Variants in IGDCC3 observed in about 807,000 individuals in gnomAD.
IGDCC3 encodes immunoglobulin superfamily DCC subclass member 3.
In IGDCC3, 47 loss-of-function variants were observed where a neutral mutation model predicts 72.0. The observed-to-expected ratio is 0.65, with a 90% CI of 0.52 to 0.83. The LOEUF is 0.83. Among genes scored for constraint, IGDCC3 ranks in the 40% least tolerant of loss-of-function variants. The probability of loss-of-function intolerance (pLI) is 0.00; values close to 1 mark genes in which losing one functional copy is unlikely to be tolerated. For missense variants in IGDCC3, 1,038 were observed against 1,091.3 expected, an observed-to-expected ratio of 0.95 and a Z score of 0.69; for synonymous variants, 477 against 472.8, an observed-to-expected ratio of 1.01 and a Z score of -0.11.
chr15:65,328,690 A>T lies in IGDCC3; in HGVS notation c.*219T>A, dbSNP rs2141028775. 2 of 430,288 alleles carry T rather than the reference A, an allele frequency of 4.6e-6. No homozygotes were observed. The highest frequency in any genetic ancestry group is 3.6e-5 in the East Asian group (1 of 27,960). The allele number at this position is 430,288 out of a possible 1,614,324, so 26.7% of individuals were successfully genotyped here. On this transcript the variant is annotated 3_prime_UTR_variant, in exon 14 of 14. Transcript: ENST00000327987. ...CAAGGGGGCGTCAGCCCAGGGAAGG[A>T]ACAGGCTCCTGCAGGAACTGCTCCA...
intron 2 of IGDCC3, among the ~76,000 whole-genome samples, chr15:65,369,915 C>A (rs1055819599): frequency 6.6e-6 from 1 of 152,192 alleles, no homozygotes; most frequent in Non-Finnish European, 1.5e-5. Flanking sequence ...CCCAGAGCCA[C>A]ACACCATGAG....
chr15:65,345,204 C>A (rs1300933934), intron 2 of IGDCC3, among the ~76,000 whole-genome samples: 1 of 152,180 alleles, frequency 6.6e-6, no homozygotes. Context: ...CAGGAGCAAA[C>A]TCCCTCCATC....
chr15:65,333,290 T>C lies in IGDCC3; in HGVS notation c.949A>G (p.Arg317Gly). The C allele has an allele frequency of 6.2e-7, 1 of 1,612,650 alleles. No homozygotes were observed. The highest frequency in any genetic ancestry group is 8.5e-7 in the Non-Finnish European group (1 of 1,179,492). ...CAANRPGTRV[R>G]RTAQGRLVVQ... ...ACCAGCCGGCCCTGTGCCGTTCTCC[T>C]CACCCGGGTGCCAGGTCTGTTGGCT... is the stretch of plus-strand genomic sequence containing the variant. The change falls in exon 6 of 14, where the codon AGG becomes GGG. Residue 317 changes from arginine to glycine, a missense_variant. By Grantham distance (125) the Arg-to-Gly change is moderately radical (BLOSUM62 -2). Coordinates refer to ENST00000327987, the MANE Select transcript of IGDCC3 (RefSeq NM_004884.4).
rs2091368630 is a variant in IGDCC3 at position 65,377,736 on chromosome 15, G to A, written c.53C>T (p.Pro18Leu). Residue 18 changes from proline (P) to leucine (L), a missense_variant, in exon 1 of 14, where the codon CCC (proline) becomes CTC (leucine). Physicochemically the swap from Pro to Leu is moderately conservative, Grantham distance 98. Coordinates refer to ENST00000327987, the MANE Select transcript of IGDCC3 (RefSeq NM_004884.4). This position sits in a 1 kb window ranked among gnomAD's most constrained non-coding sequence, Gnocchi z 4.9. ...SPRRPPAPLW[P>L]RLLLPLLLLL... ...CAACAGCAGCGGCAGCAGGAGCCGGGGCCAGAGCGGGGCGGGCGGGCGGCG... is the reference window on the plus strand; with the variant it reads ...CAACAGCAGCGGCAGCAGGAGCCGGAGCCAGAGCGGGGCGGGCGGGCGGCG... 4 of 1,344,274 alleles carry A rather than the reference G, an allele frequency of 3.0e-6. No homozygotes were observed. In the Admixed American group the frequency reaches 1.1e-4, roughly 37 times the overall value. The allele number at this position is 1,344,274 out of a possible 1,614,324, so 83.3% of individuals were successfully genotyped here.
chr15:65,352,828 T>G (rs1315019183), intron 2 of IGDCC3, among the ~76,000 whole-genome samples: 2 of 152,232 alleles, frequency 1.3e-5, no homozygotes, highest in Non-Finnish European at 2.9e-5. Context: ...AATGGGAAAC[T>G]GGACAGAGAA....
rs147792637 is a variant in IGDCC3, at chr15:65,365,793, G to A, written c.409+9304C>T. Among the ~76,000 whole-genome samples, 63 of 152,336 alleles carry A rather than the reference G, an allele frequency of 4.1e-4. No homozygotes were observed. The East Asian group carries it at 8.1e-3, about 20-fold the overall frequency. ...ACAAAACTGAAGAAAGAGGCAGGCC[G>A]GGCACAGTGGTTCACACCTGTAATC... On this transcript the variant is annotated intron_variant, in intron 2 of 13. Coordinates refer to ENST00000327987, the MANE Select transcript of IGDCC3 (RefSeq NM_004884.4).
Position 65,329,809 on chromosome 15 carries a change from G to A in IGDCC3, c.1914C>T (p.Thr638=). The change falls in exon 12 of 14, where the codon ACC becomes ACT. Residue 638 remains threonine (T), a synonymous_variant. Coordinates refer to ENST00000327987, the MANE Select transcript of IGDCC3 (RefSeq NM_004884.4). The surrounding 1 kb of genome is among the most constrained non-coding windows in gnomAD (Gnocchi z 4.1). ...TGTGGATGCCGATGACGATGCCTGT[G>A]GTGGACGTCTGGTTGGCGGCCTCCT... ...RKEEAANQTS[T]TGIVIGIHIG... 2 of 1,614,126 alleles carry A rather than the reference G, an allele frequency of 1.2e-6. No homozygotes were observed. Among genetic ancestry groups the A allele is most frequent in the Middle Eastern group, 3.3e-4 (2 of 6,062 alleles).
rs774307074 is a variant in IGDCC3 at position 65,375,276 on chromosome 15, T to C, written c.230A>G (p.Lys77Arg). Residue 77 changes from lysine (K) to arginine (R), a missense_variant, in exon 2 of 14, where the codon AAG becomes AGG. By Grantham distance (26) the Lys-to-Arg change is conservative. Coordinates refer to ENST00000327987, the MANE Select transcript of IGDCC3 (RefSeq NM_004884.4). The stretch of plus-strand genomic sequence containing the variant: ...ACTCTCTGGCAGCTCTACCCCATTC[T>C]TCCTCCAGGTGATTCGCACTGGAGG... ...GTPPVRITWR[K>R]NGVELPESTH... is the part of the protein sequence containing the mutation. 1.2e-6 allele frequency: 2 copies of C among 1,614,042 alleles called. No individual in the cohort carries two copies. Among genetic ancestry groups the C allele is most frequent in the African/African-American group, 2.7e-5 (2 of 74,936 alleles).
chr15:65,361,108 C>G (rs1401103189), intron 2 of IGDCC3, among the ~76,000 whole-genome samples: 2 of 152,112 alleles, frequency 1.3e-5, no homozygotes, highest in East Asian at 1.9e-4. Context: ...TGCCCATAAA[C>G]TTTTGTCTAG....
chr15:65,329,763 A>T lies in IGDCC3; in HGVS notation c.1960T>A (p.Phe654Ile), dbSNP rs369428111. 5 of 1,614,158 alleles carry T rather than the reference A, an allele frequency of 3.1e-6. No homozygotes were observed. Among genetic ancestry groups the T allele is most frequent in the Non-Finnish European group, 4.2e-6 (5 of 1,180,036 alleles). Residue 654 changes from phenylalanine (F) to isoleucine (I), a missense_variant, in exon 12 of 14, where the codon TTC (phenylalanine) becomes ATC (isoleucine). Transcript: ENST00000327987. This position sits in a 1 kb window ranked among gnomAD's most constrained non-coding sequence, Gnocchi z 4.1. ...CCGAACAGGAGGAAGAGGACACAGA[A>T]GATGATGCAAGTGACCCCGATGTGG... ...GIHIGVTCII[F>I]CVLFLLFGQR...
rs2090980192 is a variant in IGDCC3 at position 65,331,768 on chromosome 15, G to A, written c.1149-109C>T. 8 of 1,422,290 alleles carry A rather than the reference G, an allele frequency of 5.6e-6. No homozygotes were observed. In the Admixed American group the frequency reaches 1.1e-4, roughly 20 times the overall value. The allele number at this position is 1,422,290 out of a possible 1,614,324, so 88.1% of individuals were successfully genotyped here. Reference sequence around the variant, plus strand: ...TCTTTCCAGGAGACAAACGACTTGTGTGAGGTCTCCCAGCAAGTTGGTGGT... The same window carrying A: ...TCTTTCCAGGAGACAAACGACTTGTATGAGGTCTCCCAGCAAGTTGGTGGT... On this transcript the variant is annotated intron_variant, in intron 7 of 13. Transcript: ENST00000327987.
rs1259062332 is a variant in IGDCC3, at chr15:65,327,638, C to A, written c.*1271G>T. On this transcript the variant is annotated 3_prime_UTR_variant, in exon 14 of 14. Transcript: ENST00000327987. ...CTAAGTAGTTCAAAGAACAACACAA[C>A]AGAAAAGAGTAACAAAAAGTCACAA... 2 of 152,584 alleles carry A rather than the reference C, an allele frequency of 1.3e-5. No individual in the cohort carries two copies. The highest frequency in any genetic ancestry group is 4.8e-5 in the African/African-American group (2 of 41,440). The allele number at this position is 152,584 out of a possible 1,614,324, so 9.5% of individuals were successfully genotyped here. A position where few individuals can be genotyped will look rare whatever the true frequency, so the allele number is the denominator to read the frequency against.
chr15:65,356,674 G>T (rs1567068838), intron 2 of IGDCC3, among the ~76,000 whole-genome samples: 1 of 22,404 alleles, frequency 4.5e-5, no homozygotes, highest in Admixed American at 4.7e-4. Flanking sequence ...AACAAAGTGG[G>T]TTTTTTTTTA....
intron 5 of IGDCC3, among the ~76,000 whole-genome samples, chr15:65,333,861 G>C: frequency 6.6e-6 from 1 of 152,194 alleles, no homozygotes. Flanking sequence ...AGACCAGCAG[G>C]CCATTCCTTC....
chr15:65,338,101 C>G (rs1207516578), intron 2 of IGDCC3, among the ~76,000 whole-genome samples: 3 of 152,194 alleles, frequency 2.0e-5, no homozygotes. Flanking sequence ...GCAGCCACAG[C>G]ACAGTTGGAC....
At chr15:65,370,053 A>G in intron 2 of IGDCC3, among the ~76,000 whole-genome samples, 1 of 152,148 alleles carries the variant, frequency 6.6e-6, no homozygotes, top group Non-Finnish European at 1.5e-5. Context: ...TGAGGCGGAG[A>G]GAGCAGGGGA....
chr15:65,376,951 G>A (rs910130868), intron 1 of IGDCC3, among the ~76,000 whole-genome samples: 9 of 152,138 alleles, frequency 5.9e-5, no homozygotes, highest in Non-Finnish European at 1.3e-4. Context: ...AGGCAGCAGA[G>A]CCGAGCTCCA....
chr15:65,361,277 T>TAA (rs1347746967), intron 2 of IGDCC3, among the ~76,000 whole-genome samples: 10 of 112,288 alleles, frequency 8.9e-5, no homozygotes, highest in Admixed American at 2.5e-4. Flanking sequence ...AAAATAATAA[T>TAA]AATAATAAAA....
At chr15:65,372,963 A>G (rs1363142361) in intron 2 of IGDCC3, among the ~76,000 whole-genome samples, 2 of 152,134 alleles carry the variant, frequency 1.3e-5, no homozygotes, top group East Asian at 3.9e-4. Flanking sequence ...CAGAGCTTGG[A>G]GGCAAACCCC....
Sources: allele counts gnomAD v4.1 joint callset (sites outside exome capture counted in the v4.1 genomes callset), GRCh38; gene constraint gnomAD v4.1.1; non-coding constraint Gnocchi (gnomAD v3.1); transcripts MANE v1.5; gene names NCBI Gene and HGNC (gene_info 2026-07-23, HGNC 2026-07-21).